Variants in ZNF536 observed in about 807,000 individuals in gnomAD.
ZNF536 encodes the protein zinc finger protein 536.
Under a neutral mutation model 84.5 loss-of-function variants are expected in ZNF536, and 13 were observed. The ratio of observed to expected loss-of-function variants is 0.15; its 90% CI spans 0.10 to 0.24. The LOEUF is 0.24. ZNF536 is among the 10% of genes least tolerant of loss of function. ZNF536 has a pLI of 1.00. For synonymous variants in ZNF536, 811 were observed against 742.5 expected, an observed-to-expected ratio of 1.09 and a Z score of -1.50; for missense variants, 1,536 against 1,747.5, an observed-to-expected ratio of 0.88 and a Z score of 2.16.
In ZNF536 at chr19:30,699,821, G is replaced by A. The variant is rs1246781965; in HGVS notation, c.170-10936G>A. Among the ~76,000 whole-genome samples, 3 of 152,288 alleles carry A rather than the reference G, an allele frequency of 2.0e-5. 1 individual carries two copies. The highest frequency in any genetic ancestry group is 1.3e-4 in the Admixed American group (2 of 15,300). On this transcript the variant is annotated intron_variant, in intron 1 of 1. Coordinates refer to the ZNF536 transcript ENST00000592773. ...TTCAAAGGAAGCAGCAGGTGATGGT[G>A]AGGGGCTTCAAGGTCCCCAAGTGAA... is the stretch of plus-strand genomic sequence containing the variant.
chr19:30,612,152 A>C (rs1352256825), intron 1 of ZNF536, among the ~76,000 whole-genome samples: 1 of 152,146 alleles, frequency 6.6e-6, no homozygotes, highest in African/African-American at 2.4e-5. Flanking sequence ...ACATCGTTTC[A>C]CTCTTTTATT....
chr19:30,354,340 G>A (rs969669352), intron 3 of ZNF536, among the ~76,000 whole-genome samples: 6 of 152,222 alleles, frequency 3.9e-5, no homozygotes, highest in Non-Finnish European at 8.8e-5. Flanking sequence ...CAGATTCCCT[G>A]ACACAGAGGG....
chr19:30,446,248 C>CAAAAAAAAAAAAAAA (rs1177505634), intron 2 of ZNF536, among the ~76,000 whole-genome samples: 13 of 29,154 alleles, frequency 4.5e-4, no homozygotes, highest in Non-Finnish European at 6.2e-4. Context: ...GACACTGTCT[C>CAAAAAAAAAAAAAAA]AAAAAAAAAA....
intron 2 of ZNF536, among the ~76,000 whole-genome samples, chr19:30,472,468 G>A (rs1337943090): frequency 6.6e-6 from 1 of 152,122 alleles, no homozygotes; most frequent in African/African-American, 2.4e-5. Flanking sequence ...ATGTAAACAT[G>A]TGTGATCTCA....
At chr19:30,297,869 T>A (rs2046050403) in intron 2 of ZNF536, among the ~76,000 whole-genome samples, 1 of 148,726 alleles carries the variant, frequency 6.7e-6, no homozygotes, top group Non-Finnish European at 1.5e-5. Context: ...CCCCACAAAC[T>A]TCATGCCTTT....
intron 1 of ZNF536, among the ~76,000 whole-genome samples, chr19:30,564,667 C>A (rs937800049): frequency 6.6e-6 from 1 of 152,178 alleles, no homozygotes; most frequent in Non-Finnish European, 1.5e-5. Flanking sequence ...CCTCCTCCCG[C>A]TTGCTCCACT....
chr19:30,476,451 A>T (rs776449392), intron 2 of ZNF536, among the ~76,000 whole-genome samples: 1 of 152,216 alleles, frequency 6.6e-6, no homozygotes, highest in Non-Finnish European at 1.5e-5. Context: ...ACTAAGAGGG[A>T]AATGTCACTG....
chr19:30,246,707 C>T (rs1378796217), intron 1 of ZNF536, among the ~76,000 whole-genome samples: 2 of 152,194 alleles, frequency 1.3e-5, no homozygotes, highest in East Asian at 1.9e-4. Context: ...TTAGAATGAT[C>T]TCCTGTTGAA....
chr19:30,575,124 CCATTCATTCATTCATT>C (rs370451298), intron 1 of ZNF536, among the ~76,000 whole-genome samples: 4 of 152,166 alleles, frequency 2.6e-5, no homozygotes, highest in South Asian at 2.1e-4. Flanking sequence ...CAGAATTTAT[CCATTCATTCATTCATT>C]CATTCATTCA....
At chr19:30,300,226 T>C (rs41423944) in intron 2 of ZNF536, among the ~76,000 whole-genome samples, 1,598 of 152,310 alleles carry the variant, frequency 0.01, 23 homozygotes, top group African/African-American at 0.037. Flanking sequence ...ATTAACCTGT[T>C]GTCCATCCCA....
chr19:30,313,555 C>A (rs772081674), intron 2 of ZNF536, among the ~76,000 whole-genome samples: 9 of 152,140 alleles, frequency 5.9e-5, no homozygotes, highest in Non-Finnish European at 1.2e-4. Flanking sequence ...TACCTGCCAC[C>A]CCCTGCAACT....
At chr19:30,362,271 C>T (rs981549735) in intron 3 of ZNF536, among the ~76,000 whole-genome samples, 1 of 151,872 alleles carries the variant, frequency 6.6e-6, no homozygotes, top group Non-Finnish European at 1.5e-5. Context: ...GTGTGCTAGT[C>T]CTCCAGGCAG....
At chr19:30,591,349 G>T (rs1308370419) in intron 1 of ZNF536, among the ~76,000 whole-genome samples, 2 of 152,168 alleles carry the variant, frequency 1.3e-5, no homozygotes, top group Non-Finnish European at 2.9e-5. Flanking sequence ...AAGGCAAGAG[G>T]TTTAATGGAC....
intron 1 of ZNF536, among the ~76,000 whole-genome samples, chr19:30,405,119 G>T (rs191961592): frequency 6.6e-6 from 1 of 152,168 alleles, no homozygotes; most frequent in Non-Finnish European, 1.5e-5. Context: ...CAGCTATCCC[G>T]AAGCTCCCAG....
intron 2 of ZNF536, among the ~76,000 whole-genome samples, chr19:30,526,266 C>T (rs934621074): frequency 6.6e-6 from 1 of 152,212 alleles, no homozygotes; most frequent in African/African-American, 2.4e-5. Flanking sequence ...AGAGTACCTG[C>T]CCACAGCCAG....
intron 1 of ZNF536, among the ~76,000 whole-genome samples, chr19:30,594,628 C>A (rs1483380914): frequency 6.6e-6 from 1 of 152,134 alleles, no homozygotes; most frequent in East Asian, 1.9e-4. Flanking sequence ...CCCCGTGGAG[C>A]CTGCTGGAGA....
chr19:30,565,055 G>T (rs2046302893), intron 1 of ZNF536, among the ~76,000 whole-genome samples: 1 of 152,134 alleles, frequency 6.6e-6, no homozygotes, highest in African/African-American at 2.4e-5. Flanking sequence ...ACTTCTGTTT[G>T]TTGCGTTGAG....
intron 1 of ZNF536, among the ~76,000 whole-genome samples, chr19:30,653,861 G>C (rs1472212394): frequency 6.6e-6 from 1 of 152,208 alleles, no homozygotes; most frequent in Non-Finnish European, 1.5e-5. Flanking sequence ...GGCACACACA[G>C]GGCATGTGCA....
At chr19:30,302,545 G>A (rs2046218925) in intron 2 of ZNF536, among the ~76,000 whole-genome samples, 1 of 152,136 alleles carries the variant, frequency 6.6e-6, no homozygotes, top group African/African-American at 2.4e-5. Context: ...CTGAACAGCA[G>A]ACACAGGACA....
Sources: gnomAD v4.1 joint callset for allele counts (sites outside exome capture counted in the v4.1 genomes callset) on GRCh38, gnomAD v4.1.1 for gene constraint, MANE v1.5 for transcripts, NCBI Gene and HGNC (gene_info 2026-07-23, HGNC 2026-07-21) for gene names.